Variants in ANKRD6 observed in about 807,000 individuals in gnomAD.
ANKRD6 encodes the protein ankyrin repeat domain 6, also known as ankyrin repeat domain-containing protein 6.
ANKRD6 carries 56 observed loss-of-function variants against 82.3 expected under a neutral mutation model. The ratio of observed to expected loss-of-function variants is 0.68; its 90% CI spans 0.55 to 0.85. ANKRD6 has a LOEUF of 0.85. Among genes scored for constraint, ANKRD6 ranks in the 40% least tolerant of loss-of-function variants. ANKRD6 has a pLI of 0.00. For missense variants in ANKRD6, 852 were observed against 907.6 expected, an observed-to-expected ratio of 0.94 and a Z score of 0.79; for synonymous variants, 347 against 352.1, an observed-to-expected ratio of 0.99 and a Z score of 0.16.
At chr6:89,584,229 T>G (rs2128124767) in intron 2 of ANKRD6, among the ~76,000 whole-genome samples, 1 of 152,270 alleles carries the variant, frequency 6.6e-6, no homozygotes, top group East Asian at 1.9e-4. Context: ...ATCAGCATGT[T>G]GTGAGGCTTG....
intron 1 of ANKRD6, among the ~76,000 whole-genome samples, chr6:89,485,565 C>T (rs143947292): frequency 6.6e-6 from 1 of 152,310 alleles, no homozygotes; most frequent in African/African-American, 2.4e-5. Flanking sequence ...GCTGCCTCTT[C>T]ACACTTCTCT....
intron 1 of ANKRD6, among the ~76,000 whole-genome samples, chr6:89,516,692 G>T (rs185140944): frequency 1.3e-5 from 2 of 152,260 alleles, no homozygotes; most frequent in East Asian, 3.9e-4. Flanking sequence ...GGCCAGGCTG[G>T]TCTCAAACTC....
intron 1 of ANKRD6, among the ~76,000 whole-genome samples, chr6:89,523,764 G>A (rs1782145833): frequency 6.6e-6 from 1 of 152,078 alleles, no homozygotes; most frequent in Non-Finnish European, 1.5e-5. Flanking sequence ...AGTCCCTTAG[G>A]ACACTACTGT....
At position 89,630,577 on chromosome 6, in the gene ANKRD6, C is replaced by T. The variant is rs554362527; in HGVS notation, c.1757C>T (p.Ser586Phe). 5.6e-5 allele frequency: 91 copies of T among 1,613,896 alleles called. 1 individual carries two copies. In the South Asian group the frequency reaches 9.3e-4, roughly 17 times the overall value. Residue 586 changes from serine to phenylalanine, a missense_variant, in exon 16 of 16, where the codon TCC becomes TTC. Physicochemically the swap from Ser to Phe is radical, Grantham distance 155. Transcript: ENST00000339746. Reference sequence around the variant, plus strand: ...CTGTCGTCTTCTGACTGTACAGGCTCCCGACTGAGAAACGTCAAGGTCCAG... The same window carrying T: ...CTGTCGTCTTCTGACTGTACAGGCTTCCGACTGAGAAACGTCAAGGTCCAG... ...QELSSSDCTG[S>F]RLRNVKVQTA...
chr6:89,456,408 C>T (rs1489445246), intron 1 of ANKRD6, among the ~76,000 whole-genome samples: 1 of 152,168 alleles, frequency 6.6e-6, no homozygotes, highest in Admixed American at 6.5e-5. Context: ...GAAGTCCAAA[C>T]CCAAGGTGCT....
chr6:89,543,744 G>T (rs1332924738), intron 1 of ANKRD6, among the ~76,000 whole-genome samples: 1 of 152,190 alleles, frequency 6.6e-6, no homozygotes, highest in Non-Finnish European at 1.5e-5. Flanking sequence ...GTCAGCCTCT[G>T]CTTTTCAGCT....
At chr6:89,608,156 G>C (rs919787637) in intron 5 of ANKRD6, among the ~76,000 whole-genome samples, 8 of 152,158 alleles carry the variant, frequency 5.3e-5, no homozygotes, top group African/African-American at 1.9e-4. Flanking sequence ...GGTCATAAAA[G>C]GGCTTACCCT....
intron 1 of ANKRD6, among the ~76,000 whole-genome samples, chr6:89,548,935 G>A (rs919836047): frequency 2.6e-5 from 4 of 152,134 alleles, no homozygotes; most frequent in Admixed American, 6.5e-5. Flanking sequence ...GGCTGGGCAC[G>A]GTGGCTCACA....
At chr6:89,554,019 T>C (rs1583246948) in intron 1 of ANKRD6, among the ~76,000 whole-genome samples, 1 of 151,596 alleles carries the variant, frequency 6.6e-6, no homozygotes, top group Non-Finnish European at 1.5e-5. Flanking sequence ...GATGGGGGGG[T>C]GTGAGTGACT....
In ANKRD6 at chr6:89,631,322, T is replaced by C. The variant is rs975504239; in HGVS notation, c.*318T>C. ...CAAGAAACTGGACGATGTGTAAGCCTAGACTCTAAAATTCAAGATGTGTGA... is the reference window on the plus strand; with the variant it reads ...CAAGAAACTGGACGATGTGTAAGCCCAGACTCTAAAATTCAAGATGTGTGA... On this transcript the variant is annotated 3_prime_UTR_variant, in exon 16 of 16. Transcript: ENST00000339746. 1.4e-5 allele frequency: 3 copies of C among 217,350 alleles called. No individual in the cohort carries two copies. Among genetic ancestry groups the C allele is most frequent in the Non-Finnish European group, 2.7e-5 (3 of 111,264 alleles). The allele number at this position is 217,350 out of a possible 1,614,324, so 13.5% of individuals were successfully genotyped here. A position where few individuals can be genotyped will look rare whatever the true frequency, so the allele number is the denominator to read the frequency against.
chr6:89,449,972 T>C (rs557628282), intron 1 of ANKRD6, among the ~76,000 whole-genome samples: 37 of 152,302 alleles, frequency 2.4e-4, no homozygotes, highest in East Asian at 1.7e-3. Flanking sequence ...GGATTGACTC[T>C]GATTTTGAAA....
In ANKRD6 at chr6:89,627,932, T is replaced by A. The variant is rs1047053457; in HGVS notation, c.1485+236T>A. ...TGAAGACCGAACATGCTGGGGAAGA[T>A]GCCATTTCTGTCCTGAACTCATTCC... On this transcript the variant is annotated intron_variant, in intron 14 of 15. Transcript: ENST00000339746. 2.6e-5 allele frequency among the ~76,000 whole-genome samples: 4 copies of A among 152,242 alleles called. No individual in the cohort carries two copies. In the East Asian group the frequency reaches 7.7e-4, roughly 29 times the overall value.
chr6:89,469,099 A>C (rs868199015), intron 1 of ANKRD6, among the ~76,000 whole-genome samples: 2 of 152,188 alleles, frequency 1.3e-5, no homozygotes, highest in Non-Finnish European at 2.9e-5. Flanking sequence ...AGGAGGATGC[A>C]CCTGTTTATA....
chr6:89,625,559 T>C (rs1423994946), intron 13 of ANKRD6, among the ~76,000 whole-genome samples: 1 of 152,182 alleles, frequency 6.6e-6, no homozygotes, highest in African/African-American at 2.4e-5. Context: ...TTTTAACTCT[T>C]GAACTATTTC....
At position 89,497,499 on chromosome 6, in the gene ANKRD6, G is replaced by A. The variant is rs189349745; in HGVS notation, c.-144+64124G>A. ...CTTTGTAGGAAGACTACAAGAAATGGTATATATGACTAGATGCTGCTTTTC... is the reference window on the plus strand; with the variant it reads ...CTTTGTAGGAAGACTACAAGAAATGATATATATGACTAGATGCTGCTTTTC... On this transcript the variant is annotated intron_variant, in intron 1 of 15. Transcript: ENST00000339746. Among the ~76,000 whole-genome samples, 858 of 152,214 alleles carry A rather than the reference G, an allele frequency of 5.6e-3. 8 individuals are homozygous for A. Among genetic ancestry groups the A allele is most frequent in the Non-Finnish European group, 9.4e-3 (639 of 68,010 alleles).
intron 1 of ANKRD6, among the ~76,000 whole-genome samples, chr6:89,488,175 T>G (rs901705408): frequency 4.6e-5 from 7 of 152,236 alleles, no homozygotes; most frequent in Non-Finnish European, 1.0e-4. Context: ...CAGCCTGGCC[T>G]TCACCTGTAT....
At chr6:89,444,530 A>G (rs919485228) in intron 1 of ANKRD6, among the ~76,000 whole-genome samples, 12 of 152,254 alleles carry the variant, frequency 7.9e-5, no homozygotes, top group South Asian at 6.2e-4. Flanking sequence ...TGCATTGGGT[A>G]TAAGCCAGGA....
intron 1 of ANKRD6, among the ~76,000 whole-genome samples, chr6:89,482,655 T>C (rs1285649025): frequency 6.6e-6 from 1 of 152,122 alleles, no homozygotes; most frequent in Non-Finnish European, 1.5e-5. Context: ...TGTTGGAAAT[T>C]CTCCCCACCT....
intron 4 of ANKRD6, among the ~76,000 whole-genome samples, chr6:89,604,747 AC>A (rs1172740452): frequency 6.6e-6 from 1 of 151,980 alleles, no homozygotes; most frequent in Non-Finnish European, 1.5e-5. Context: ...CGGGCCACAC[AC>A]CGCCAATACA....
Sources: allele counts gnomAD v4.1 joint callset (sites outside exome capture counted in the v4.1 genomes callset), GRCh38; gene constraint gnomAD v4.1.1; transcripts MANE v1.5; gene names NCBI Gene and HGNC (gene_info 2026-07-23, HGNC 2026-07-21).